The following GALNT17 variants were observed in gnomAD, a reference collection of about 807,000 sequenced individuals.
GALNT17 encodes the protein UDP-GalNAc:polypeptide N-acetylgalactosaminyltransferase-like 3.
Under a neutral mutation model 63.7 loss-of-function variants are expected in GALNT17, and 29 were observed. The observed-to-expected ratio is 0.46, with a 90% CI of 0.34 to 0.62. The LOEUF (loss-of-function observed/expected upper bound fraction) is 0.62. GALNT17 is among the 20% of genes least tolerant of loss of function. The probability of loss-of-function intolerance (pLI) is 0.01; values close to 1 mark genes in which losing one functional copy is unlikely to be tolerated. For synonymous variants in GALNT17, 305 were observed against 318.3 expected, an observed-to-expected ratio of 0.96 and a Z score of 0.45; for missense variants, 603 against 799.6, an observed-to-expected ratio of 0.75 and a Z score of 2.97.
intron 6 of GALNT17, among the ~76,000 whole-genome samples, chr7:71,623,353 A>G (rs1490566398): frequency 6.7e-6 from 1 of 150,156 alleles, no homozygotes; most frequent in Non-Finnish European, 1.5e-5. Context: ...GCTTGGAGGA[A>G]GCCTTCGTAC....
At chr7:71,576,311 G>T (rs1789536186) in intron 6 of GALNT17, among the ~76,000 whole-genome samples, 1 of 152,186 alleles carries the variant, frequency 6.6e-6, no homozygotes, top group Admixed American at 6.6e-5. Flanking sequence ...TTCTTGTGTG[G>T]ATGCATTGAA....
chr7:71,522,452 G>A lies in GALNT17; in HGVS notation c.963-48833G>A, dbSNP rs780330692. The stretch of plus-strand genomic sequence containing the variant: ...CAATCATGGTGGAAGTCAAGGAGGA[G>A]CAAGTCACGTTTTACATGGATGGCA... On this transcript the variant is annotated intron_variant, in intron 5 of 10. Transcript: ENST00000333538. 3.3e-5 allele frequency among the ~76,000 whole-genome samples: 5 copies of A among 152,310 alleles called. No homozygotes were observed. The East Asian group carries it at 7.7e-4, about 24-fold the overall frequency.
intron 5 of GALNT17, among the ~76,000 whole-genome samples, chr7:71,545,002 A>G (rs949545251): frequency 2.4e-4 from 37 of 152,094 alleles, no homozygotes; most frequent in South Asian, 4.1e-4. Flanking sequence ...AATTCTCACT[A>G]CTGTTGGCAA....
intron 1 of GALNT17, among the ~76,000 whole-genome samples, chr7:71,206,285 C>T (rs1024576529): frequency 1.3e-5 from 2 of 151,812 alleles, no homozygotes; most frequent in South Asian, 2.1e-4. Flanking sequence ...GCACTTAACC[C>T]GGTCTAGATC....
intron 9 of GALNT17, among the ~76,000 whole-genome samples, chr7:71,693,770 T>A (rs145801267): frequency 0.02 from 2,997 of 151,080 alleles, 106 homozygotes; most frequent in African/African-American, 0.068. Context: ...TGACACAAGT[T>A]TACCTGTGTA....
At chr7:71,237,602 T>C (rs1789918606) in intron 1 of GALNT17, among the ~76,000 whole-genome samples, 1 of 151,838 alleles carries the variant, frequency 6.6e-6, no homozygotes, top group African/African-American at 2.4e-5. Flanking sequence ...GGAGGACTGC[T>C]TGAGCCCAGG....
At chr7:71,691,572 A>C (rs527334822) in intron 9 of GALNT17, among the ~76,000 whole-genome samples, 1 of 152,306 alleles carries the variant, frequency 6.6e-6, no homozygotes, top group East Asian at 1.9e-4. Flanking sequence ...TGGATTGATG[A>C]GCTATTCTTT....
chr7:71,141,690 T>G (rs1787895322), intron 1 of GALNT17, among the ~76,000 whole-genome samples: 1 of 151,152 alleles, frequency 6.6e-6, no homozygotes, highest in Non-Finnish European at 1.5e-5. Flanking sequence ...TTTTTTTTTT[T>G]TTTTGAAACA....
intron 1 of GALNT17, among the ~76,000 whole-genome samples, chr7:71,187,090 C>G (rs2707443): frequency 6.6e-6 from 1 of 151,888 alleles, no homozygotes; most frequent in Admixed American, 6.6e-5. Flanking sequence ...AAAGAGAAGA[C>G]GACTACAACT....
intron 1 of GALNT17, among the ~76,000 whole-genome samples, chr7:71,185,008 C>CT (rs1788817429): frequency 7.8e-6 from 1 of 128,542 alleles, no homozygotes; most frequent in Non-Finnish European, 1.6e-5. Context: ...TCTTCCTTCC[C>CT]TCCCTCCCTC....
At chr7:71,251,871 G>A (rs1202905579) in intron 1 of GALNT17, among the ~76,000 whole-genome samples, 1 of 152,164 alleles carries the variant, frequency 6.6e-6, no homozygotes, top group Non-Finnish European at 1.5e-5. Flanking sequence ...GGCACATGCT[G>A]TGTGCACAAA....
At chr7:71,235,819 G>A (rs1789877760) in intron 1 of GALNT17, among the ~76,000 whole-genome samples, 1 of 152,314 alleles carries the variant, frequency 6.6e-6, no homozygotes, top group African/African-American at 2.4e-5. Context: ...ATGGGGACAA[G>A]CTCCACTCCT....
At chr7:71,606,679 T>G (rs1319522917) in intron 6 of GALNT17, among the ~76,000 whole-genome samples, 3 of 152,170 alleles carry the variant, frequency 2.0e-5, no homozygotes, top group Non-Finnish European at 1.5e-5. Flanking sequence ...TGAATATTTC[T>G]TAGGAGGTCC....
chr7:71,481,473 T>G (rs1787816543), intron 5 of GALNT17, among the ~76,000 whole-genome samples: 1 of 152,082 alleles, frequency 6.6e-6, no homozygotes, highest in Non-Finnish European at 1.5e-5. Context: ...AGGCTGCATG[T>G]GGTGGGTGGC....
intron 1 of GALNT17, among the ~76,000 whole-genome samples, chr7:71,262,393 G>C (rs1790401024): frequency 6.6e-6 from 1 of 152,114 alleles, no homozygotes; most frequent in African/African-American, 2.4e-5. Flanking sequence ...TGAGATTACA[G>C]GTGTAAGCCA....
At chr7:71,223,137 G>T (rs1019188962) in intron 1 of GALNT17, among the ~76,000 whole-genome samples, 4 of 152,034 alleles carry the variant, frequency 2.6e-5, no homozygotes, top group Non-Finnish European at 1.5e-5. Flanking sequence ...GGAGTGTAGA[G>T]GTTTCTTCTT....
intron 5 of GALNT17, among the ~76,000 whole-genome samples, chr7:71,425,921 A>G (rs1786751488): frequency 1.3e-5 from 2 of 152,176 alleles, no homozygotes; most frequent in South Asian, 4.1e-4. Flanking sequence ...GGCCTCAGGA[A>G]TCTTACAGTC....
intron 1 of GALNT17, among the ~76,000 whole-genome samples, chr7:71,313,366 C>T (rs564876094): frequency 2.0e-5 from 3 of 152,286 alleles, no homozygotes; most frequent in African/African-American, 7.2e-5. Context: ...CATCTTCATA[C>T]CTTTTTCCTC....
intron 2 of GALNT17, among the ~76,000 whole-genome samples, chr7:71,364,662 T>C (rs991987034): frequency 6.6e-6 from 1 of 152,118 alleles, no homozygotes; most frequent in African/African-American, 2.4e-5. Flanking sequence ...AAAACTGTCT[T>C]AGGGAGAAAA....
Sources: allele counts gnomAD v4.1 joint callset (sites outside exome capture counted in the v4.1 genomes callset), GRCh38; gene constraint gnomAD v4.1.1; transcripts MANE v1.5; gene names NCBI Gene and HGNC (gene_info 2026-07-23, HGNC 2026-07-21).